ATE1: variants seen among roughly 807,000 people sequenced by gnomAD.
The protein encoded by ATE1 is arginyltransferase 1.
ATE1 carries 36 observed loss-of-function variants against 70.5 expected under a neutral mutation model. The ratio of observed to expected loss-of-function variants is 0.51; its 90% CI spans 0.39 to 0.67. The LOEUF is 0.67. Among genes scored for constraint, ATE1 ranks in the 30% least tolerant of loss-of-function variants. ATE1 has a pLI of 0.00. For missense variants in ATE1, 593 were observed against 629.5 expected (o/e 0.94, Z 0.62); for synonymous variants, 232 against 219.3 (o/e 1.06, Z -0.51).
rs1948615207 is a variant in ATE1 at position 121,841,162 on chromosome 10, G to A, written c.1077C>T (p.Leu359=). ...AATACACAGATGATACACAGTTTGG[G>A]AGGATGTCAATCACCCCCACAGCAA... ...KIIAVGVIDI[L]PNCVSSVYLY... Residue 359 remains leucine (L), a synonymous_variant, in exon 9 of 12, where the codon CTC becomes CTT. Coordinates refer to ENST00000224652, the MANE Select transcript of ATE1 (RefSeq NM_001001976.3). The A allele has an allele frequency of 6.2e-7, 1 of 1,601,696 alleles. No homozygotes were observed. Among genetic ancestry groups the A allele is most frequent in the Non-Finnish European group, 8.5e-7 (1 of 1,172,134 alleles).
upstream of ATE1, chr10:121,928,043 T>G: frequency 8.2e-7 from 1 of 1,221,950 alleles, no homozygotes; most frequent in Non-Finnish European, 1.0e-6. Flanking sequence ...CCCGGGAGCC[T>G]CCCGAGGCTC....
At chr10:121,848,731 T>TAGTTG (rs71022873) in intron 8 of ATE1, among the ~76,000 whole-genome samples, 1 of 149,914 alleles carries the variant, frequency 6.7e-6, no homozygotes, top group African/African-American at 2.5e-5. Context: ...GCCAACTTGG[T>TAGTTG]GAAACCCTGT....
At chr10:121,829,638 G>A (rs1190950358) in intron 10 of ATE1, among the ~76,000 whole-genome samples, 2 of 151,500 alleles carry the variant, frequency 1.3e-5, no homozygotes, top group African/African-American at 4.9e-5. Context: ...AACCTAGAGG[G>A]GCGGAGGTTG....
chr10:121,815,383 T>C (rs1297976715), intron 10 of ATE1, among the ~76,000 whole-genome samples: 1 of 152,028 alleles, frequency 6.6e-6, no homozygotes, highest in Non-Finnish European at 1.5e-5. Flanking sequence ...GATCCGCCTG[T>C]CTCGGCCTCC....
chr10:121,811,881 T>TATACTGGA (rs748524458), intron 10 of ATE1, among the ~76,000 whole-genome samples: 15 of 152,048 alleles, frequency 9.9e-5, no homozygotes, highest in Non-Finnish European at 1.8e-4. Context: ...TACGTGGTGC[T>TATACTGGA]ATACTGGAAT....
chr10:121,861,846 T>G (rs550461000), intron 8 of ATE1, among the ~76,000 whole-genome samples: 28 of 152,218 alleles, frequency 1.8e-4, no homozygotes, highest in African/African-American at 6.5e-4. Context: ...CCCTCATGAC[T>G]AGGGTTAACA....
chr10:121,811,921 A>G (rs1406696351), intron 10 of ATE1, among the ~76,000 whole-genome samples: 1 of 145,752 alleles, frequency 6.9e-6, no homozygotes, highest in East Asian at 2.0e-4. Context: ...AAGGGCAGAA[A>G]TTTCCCTTCT....
chr10:121,819,667 G>A (rs1016443573), intron 10 of ATE1, among the ~76,000 whole-genome samples: 1 of 49,332 alleles, frequency 2.0e-5, no homozygotes, highest in African/African-American at 8.1e-5. Context: ...GGGTGACAGA[G>A]CAAGACTGTC....
chr10:121,815,251 T>G (rs1947492481), intron 10 of ATE1, among the ~76,000 whole-genome samples: 1 of 152,194 alleles, frequency 6.6e-6, no homozygotes, highest in Admixed American at 6.5e-5. Flanking sequence ...TTCTCCTGCC[T>G]CAGCCTCCCG....
intron 11 of ATE1, among the ~76,000 whole-genome samples, chr10:121,774,384 G>C (rs528524247): frequency 1.3e-4 from 20 of 152,152 alleles, no homozygotes; most frequent in African/African-American, 4.1e-4. Context: ...GTTTGCACAG[G>C]TCAAGGTCAG....
chr10:121,902,649 A>C, intron 5 of ATE1, 29 bp from the exon 6 acceptor site: 2 of 1,550,884 alleles, frequency 1.3e-6, no homozygotes, highest in Non-Finnish European at 1.7e-6. Flanking sequence ...TATTAGACCA[A>C]TCACATTTGG....
At chr10:121,906,078 T>C (rs986588150) in intron 5 of ATE1, among the ~76,000 whole-genome samples, 7 of 152,076 alleles carry the variant, frequency 4.6e-5, no homozygotes, top group Admixed American at 1.3e-4. Context: ...GGGAATAGAT[T>C]TGTAATATTT....
At chr10:121,850,157 T>C (rs537424723) in intron 8 of ATE1, among the ~76,000 whole-genome samples, 34 of 152,370 alleles carry the variant, frequency 2.2e-4, no homozygotes, top group East Asian at 5.8e-4. Context: ...CACAGTTGCA[T>C]TGAGTATTCC....
chr10:121,788,028 C>T (rs1946283527), intron 11 of ATE1, among the ~76,000 whole-genome samples: 2 of 152,084 alleles, frequency 1.3e-5, no homozygotes, highest in Admixed American at 6.6e-5. Flanking sequence ...GCAACTTATA[C>T]AGAAACAGTT....
intron 11 of ATE1, among the ~76,000 whole-genome samples, chr10:121,751,710 A>C (rs1320849266): frequency 6.6e-6 from 1 of 152,102 alleles, no homozygotes; most frequent in African/African-American, 2.4e-5. Context: ...CTAGATCCTT[A>C]TTGAATGCAT....
intron 11 of ATE1, among the ~76,000 whole-genome samples, chr10:121,776,005 A>G (rs997706587): frequency 2.6e-5 from 4 of 152,384 alleles, no homozygotes; most frequent in South Asian, 2.1e-4. Context: ...TTGTGCACAC[A>G]TAATAGCTGT....
intron 11 of ATE1, among the ~76,000 whole-genome samples, chr10:121,778,533 C>G (rs1945839161): frequency 6.8e-6 from 1 of 147,116 alleles, no homozygotes; most frequent in African/African-American, 2.5e-5. Context: ...CTAAATGGCG[C>G]CAAGAAACAA....
At chr10:121,868,789 A>AT (rs2134010049) in intron 8 of ATE1, among the ~76,000 whole-genome samples, 1 of 152,298 alleles carries the variant, frequency 6.6e-6, no homozygotes, top group Admixed American at 6.5e-5. Context: ...CCAAACCTGG[A>AT]TGGGACTACC....
At chr10:121,800,827 G>C (rs888160005) in intron 10 of ATE1, among the ~76,000 whole-genome samples, 10 of 152,292 alleles carry the variant, frequency 6.6e-5, no homozygotes, top group African/African-American at 2.2e-4. Flanking sequence ...TAATTCATTA[G>C]AGTGGGCTGT....
Sources: gnomAD v4.1 joint callset for allele counts (sites outside exome capture counted in the v4.1 genomes callset) on GRCh38, gnomAD v4.1.1 for gene constraint, MANE v1.5 for transcripts, NCBI Gene and HGNC (gene_info 2026-07-23, HGNC 2026-07-21) for gene names.